DDB1: variants seen among roughly 807,000 people sequenced by gnomAD.
DDB1 encodes the protein DNA damage-binding protein 1.
Under a neutral mutation model 133.1 loss-of-function variants are expected in DDB1, and 18 were observed. That is an observed-to-expected ratio of 0.14 (90% CI 0.09 to 0.20). The LOEUF (loss-of-function observed/expected upper bound fraction) is 0.20. DDB1 is among the 10% of genes least tolerant of loss of function. The pLI is 1.00. For synonymous variants in DDB1, 580 were observed against 550.5 expected, an observed-to-expected ratio of 1.05 and a Z score of -0.75; for missense variants, 828 against 1,459.2, an observed-to-expected ratio of 0.57 and a Z score of 7.05.
At chr11:61,313,019 G>T (rs923459687) in intron 16 of DDB1, among the ~76,000 whole-genome samples, 1 of 152,102 alleles carries the variant, frequency 6.6e-6, no homozygotes, top group Non-Finnish European at 1.5e-5. Context: ...CACCATGTTG[G>T]CCAGGCTGGT....
intron 4 of DDB1, 105 bp from the exon 5 acceptor site, chr11:61,326,998 T>C: frequency 3.8e-6 from 3 of 792,528 alleles, no homozygotes; most frequent in Non-Finnish European, 6.5e-6. Context: ...CTGACAGTCC[T>C]GTCATGTCAG....
intron 6 of DDB1, 65 bp from the exon 7 acceptor site, chr11:61,324,202 C>G: frequency 6.3e-7 from 1 of 1,582,370 alleles, no homozygotes; most frequent in Non-Finnish European, 8.7e-7. Context: ...ACAAACCCTA[C>G]TGGACCACTC....
chr11:61,332,012 TGGCA>T (rs1856386597), intron 1 of DDB1: 1 of 227,446 alleles, frequency 4.4e-6, no homozygotes, highest in Non-Finnish European at 8.9e-6. Flanking sequence ...ACAGTTACAG[TGGCA>T]GGCTCTAATT....
intron 10 of DDB1, among the ~76,000 whole-genome samples, chr11:61,319,811 T>C (rs1051963675): frequency 1.3e-5 from 2 of 152,234 alleles, no homozygotes; most frequent in Non-Finnish European, 2.9e-5. Context: ...CAAGGAAACA[T>C]TGTATACATA....
At chr11:61,331,739 C>CA (rs747951244) in intron 1 of DDB1, 48 bp from the exon 2 acceptor site, 143 of 1,609,268 alleles carry the variant, frequency 8.9e-5, no homozygotes, top group Non-Finnish European at 2.0e-5. Flanking sequence ...AAGGGCCTCC[C>CA]ATCCCTTCAA....
At chr11:61,329,704 A>T in intron 3 of DDB1, 120 bp from the exon 4 acceptor site, 1 of 906,408 alleles carries the variant, frequency 1.1e-6, no homozygotes, top group South Asian at 1.7e-5. Context: ...GATCTATTTG[A>T]TAGGCCAAAT....
At chr11:61,326,035 T>G in intron 5 of DDB1, 1 of 368,722 alleles carries the variant, frequency 2.7e-6, no homozygotes, top group Non-Finnish European at 5.1e-6. Flanking sequence ...TAAAAGCTTT[T>G]ACTTTTTTTT....
intron 22 of DDB1, among the ~76,000 whole-genome samples, chr11:61,303,599 G>A (rs2134894361): frequency 6.6e-6 from 1 of 150,542 alleles, no homozygotes; most frequent in South Asian, 2.1e-4. Context: ...AGTTACTTGG[G>A]AGACTGAGGC....
intron 12 of DDB1, 176 bp from the exon 13 acceptor site, chr11:61,314,662 G>T: frequency 1.6e-6 from 1 of 637,658 alleles, no homozygotes; most frequent in Non-Finnish European, 2.5e-6. Flanking sequence ...TTGCATGAAT[G>T]CCTGAAGGAG....
chr11:61,327,298 C>G (rs1394887453), intron 4 of DDB1, among the ~76,000 whole-genome samples: 1 of 152,072 alleles, frequency 6.6e-6, no homozygotes, highest in Admixed American at 6.6e-5. Context: ...GGCAAAACCC[C>G]GTCCCTGCTA....
chr11:61,304,182 A>G, intron 21 of DDB1, 147 bp from the exon 22 acceptor site: 1 of 702,094 alleles, frequency 1.4e-6, no homozygotes, highest in Non-Finnish European at 2.3e-6. Context: ...TGGGGTGAAC[A>G]TTTATTATTT....
rs1175180651 is a variant in DDB1 at position 61,313,730 on chromosome 11, G to A, written c.1862-24C>T. On this transcript the variant is annotated intron_variant, in intron 15 of 26. Coordinates refer to ENST00000301764, the MANE Select transcript of DDB1 (RefSeq NM_001923.5). ...ACCTACAGAGAGAATGACATCAGGA[G>A]AAAGGAAGAAAGAAAACAGGACAAA... 3.2e-6 allele frequency: 5 copies of A among 1,585,748 alleles called. No homozygotes were observed. The South Asian group carries it at 3.4e-5, about 11-fold the overall frequency.
chr11:61,326,708 G>T, intron 5 of DDB1, 71 bp downstream of exon 5: 2 of 1,206,592 alleles, frequency 1.7e-6, no homozygotes, highest in Non-Finnish European at 2.5e-6. Context: ...CAGAGAAGGT[G>T]AGGGAGCGAA....
At position 61,299,918 on chromosome 11, in the gene DDB1, G is replaced by A. The variant is rs550076638; in HGVS notation, c.*218C>T. Reference sequence around the variant, plus strand: ...TCTAAGGTGATGGCTGGAATCATGTGAGACTGGTAAAAATCCAGGGAGAAA... The same window carrying A: ...TCTAAGGTGATGGCTGGAATCATGTAAGACTGGTAAAAATCCAGGGAGAAA... On this transcript the variant is annotated 3_prime_UTR_variant, in exon 27 of 27. Coordinates refer to ENST00000301764, the MANE Select transcript of DDB1 (RefSeq NM_001923.5). 1 of 581,896 alleles carries A rather than the reference G, an allele frequency of 1.7e-6. No homozygotes were observed. The highest frequency in any genetic ancestry group is 2.9e-5 in the Admixed American group (1 of 33,954). The allele number at this position is 581,896 out of a possible 1,614,324, so 36.0% of individuals were successfully genotyped here. A position where few individuals can be genotyped will look rare whatever the true frequency, so the allele number is the denominator to read the frequency against.
intron 16 of DDB1, 100 bp downstream of exon 16, chr11:61,313,399 G>T: frequency 1.8e-6 from 2 of 1,105,088 alleles, no homozygotes; most frequent in Non-Finnish European, 2.6e-6. Context: ...TCTCAGTTAT[G>T]ATTTTGACAC....
Position 61,300,089 on chromosome 11 carries a change from G to C in DDB1, c.*47C>G. ...GGTGGAGAGGAGGGGGAGGGCAGCA[G>C]GGCAAAGCCTTTGGGGAGGGTCAGC... On this transcript the variant is annotated 3_prime_UTR_variant, in exon 27 of 27. Coordinates refer to ENST00000301764, the MANE Select transcript of DDB1 (RefSeq NM_001923.5). The C allele has an allele frequency of 6.3e-7, 1 of 1,596,226 alleles. No homozygotes were observed. The highest frequency in any genetic ancestry group is 8.6e-7 in the Non-Finnish European group (1 of 1,164,806).
At chr11:61,315,646 T>TAAGG (rs1388737085) in intron 12 of DDB1, 1 of 152,300 alleles carries the variant, frequency 6.6e-6, no homozygotes, top group Non-Finnish European at 1.5e-5. Flanking sequence ...GCTCAGAAGG[T>TAAGG]AAGGAGAGAG....
intron 12 of DDB1, chr11:61,315,516 C>T (rs906668915): frequency 3.3e-5 from 5 of 152,190 alleles, no homozygotes; most frequent in African/African-American, 4.8e-5. Flanking sequence ...TCTACCACTG[C>T]CAGGTGGCTA....
intron 10 of DDB1, among the ~76,000 whole-genome samples, chr11:61,316,920 A>C (rs1413293220): frequency 2.7e-5 from 2 of 72,800 alleles, no homozygotes; most frequent in South Asian, 4.5e-4. Context: ...ATCCTGTCTC[A>C]AAAAAAAAAA....
Sources: allele counts gnomAD v4.1 joint callset (sites outside exome capture counted in the v4.1 genomes callset), GRCh38; gene constraint gnomAD v4.1.1; transcripts MANE v1.5; gene names NCBI Gene and HGNC (gene_info 2026-07-23, HGNC 2026-07-21).